DCC: variants seen among roughly 807,000 people sequenced by gnomAD.
The protein encoded by DCC is DCC netrin 1 receptor, also known as netrin receptor DCC.
Under a neutral mutation model 172.5 loss-of-function variants are expected in DCC, and 58 were observed. That is an observed-to-expected ratio of 0.34 (90% confidence interval 0.27 to 0.42). DCC has a LOEUF of 0.42. Among genes scored for constraint, DCC ranks in the 10% least tolerant of loss-of-function variants. The pLI is 1.00. For synonymous variants in DCC, 709 were observed against 644.5 expected, an observed-to-expected ratio of 1.10 and a Z score of -1.52; for missense variants, 1,740 against 1,791.0, an observed-to-expected ratio of 0.97 and a Z score of 0.51.
chr18:53,194,773 G>C (rs142489136), intron 9 of DCC, among the ~76,000 whole-genome samples: 28 of 152,200 alleles, frequency 1.8e-4, no homozygotes, highest in African/African-American at 6.5e-4. Context: ...CCCGGCCCAG[G>C]TTTGGTTTTT....
In DCC at chr18:53,351,413, ATATACACACTGTG is replaced by A. The variant is rs1193715652; in HGVS notation, c.2359+11511_2359+11523del. Among the ~76,000 whole-genome samples, 9 of 7,304 alleles carry A rather than the reference ATATACACACTGTG, an allele frequency of 1.2e-3. No homozygotes were observed. In the East Asian group the frequency reaches 0.05, roughly 41 times the overall value. The allele number at this position is 7,304 out of a possible 152,430, so 4.8% of individuals were successfully genotyped here. A position where few individuals can be genotyped will look rare whatever the true frequency, so the allele number is the denominator to read the frequency against. ...ATATATATACAGTGTATATATATAT[ATATACACACTGTG>A]TATATATATATACAGTGTATATATA... On this transcript the variant is annotated intron_variant, in intron 15 of 28. Coordinates refer to ENST00000442544, the MANE Select transcript of DCC (RefSeq NM_005215.4).
chr18:53,002,677 C>T (rs2041584397), intron 5 of DCC, among the ~76,000 whole-genome samples: 1 of 151,858 alleles, frequency 6.6e-6, no homozygotes, highest in Non-Finnish European at 1.5e-5. Flanking sequence ...TTTTATTATA[C>T]TTTAAGTTTT....
intron 1 of DCC, among the ~76,000 whole-genome samples, chr18:52,747,433 C>A (rs914724440): frequency 1.3e-5 from 2 of 152,332 alleles, no homozygotes; most frequent in South Asian, 4.1e-4. Flanking sequence ...CATTGTAATT[C>A]TAATATGAAA....
intron 1 of DCC, among the ~76,000 whole-genome samples, chr18:52,469,180 C>T (rs1169790275): frequency 1.3e-5 from 2 of 152,162 alleles, no homozygotes; most frequent in African/African-American, 4.8e-5. Context: ...GCCTCAGCCT[C>T]CTGAGTAGCT....
intron 1 of DCC, among the ~76,000 whole-genome samples, chr18:52,499,967 A>C (rs138282247): frequency 9.9e-5 from 15 of 152,252 alleles, no homozygotes; most frequent in African/African-American, 3.6e-4. Context: ...TATGCTTTGC[A>C]GGCCGTTGGC....
At chr18:52,535,840 G>T (rs1178373277) in intron 1 of DCC, among the ~76,000 whole-genome samples, 2 of 152,014 alleles carry the variant, frequency 1.3e-5, no homozygotes, top group Non-Finnish European at 2.9e-5. Flanking sequence ...TGCCCTTAAG[G>T]AACAAAATAT....
intron 5 of DCC, among the ~76,000 whole-genome samples, chr18:53,006,191 A>C (rs919205583): frequency 1.3e-5 from 2 of 152,224 alleles, no homozygotes; most frequent in Non-Finnish European, 2.9e-5. Context: ...GAAAATTCAA[A>C]CTGGCTTTAT....
chr18:53,220,629 A>G (rs2055917597), intron 12 of DCC, among the ~76,000 whole-genome samples: 2 of 152,216 alleles, frequency 1.3e-5, no homozygotes, highest in Admixed American at 1.3e-4. Context: ...TTATTAATGA[A>G]CAATTTAAAT....
intron 15 of DCC, among the ~76,000 whole-genome samples, chr18:53,347,023 G>T (rs2057733960): frequency 6.6e-6 from 1 of 152,108 alleles, no homozygotes; most frequent in Non-Finnish European, 1.5e-5. Context: ...GCTTTGCTCT[G>T]CTGTTAGTGT....
chr18:53,262,022 C>A (rs192856318), intron 12 of DCC, among the ~76,000 whole-genome samples: 1 of 152,272 alleles, frequency 6.6e-6, no homozygotes, highest in Non-Finnish European at 1.5e-5. Context: ...AAGAGGGGAA[C>A]AATTGAAGCA....
intron 22 of DCC, among the ~76,000 whole-genome samples, chr18:53,445,115 A>G (rs1047241293): frequency 6.6e-6 from 1 of 152,208 alleles, no homozygotes; most frequent in Non-Finnish European, 1.5e-5. Context: ...CATAACGCTG[A>G]TAAATATCTT....
chr18:52,941,506 A>G (rs1359348290), intron 5 of DCC, among the ~76,000 whole-genome samples: 5 of 150,874 alleles, frequency 3.3e-5, no homozygotes, highest in African/African-American at 1.2e-4. Flanking sequence ...GTGTGTGTAT[A>G]TATATATATA....
At chr18:52,342,394 C>G (rs912773338) in intron 1 of DCC, among the ~76,000 whole-genome samples, 1 of 150,536 alleles carries the variant, frequency 6.6e-6, no homozygotes, top group South Asian at 2.1e-4. Flanking sequence ...GGGCCGGTCC[C>G]CTCCTCCCCT....
intron 27 of DCC, among the ~76,000 whole-genome samples, chr18:53,505,024 C>A (rs1425700012): frequency 1.3e-5 from 2 of 152,074 alleles, no homozygotes; most frequent in African/African-American, 2.4e-5. Context: ...TTTTTCCCCC[C>A]CTAAAAGGGG....
At chr18:52,930,854 C>T (rs1422715778) in intron 5 of DCC, among the ~76,000 whole-genome samples, 1 of 152,046 alleles carries the variant, frequency 6.6e-6, no homozygotes, top group African/African-American at 2.4e-5. Flanking sequence ...TTCATGGTTG[C>T]TAGCATTGTC....
chr18:53,050,276 T>C (rs1270395076), intron 5 of DCC, among the ~76,000 whole-genome samples: 1 of 151,654 alleles, frequency 6.6e-6, no homozygotes, highest in East Asian at 1.9e-4. Flanking sequence ...TAATTTCTTC[T>C]GTTAACACCC....
chr18:53,512,915 A>C (rs1181776832), intron 27 of DCC, among the ~76,000 whole-genome samples: 5 of 152,332 alleles, frequency 3.3e-5, no homozygotes, highest in Middle Eastern at 3.4e-3. Flanking sequence ...GAACTTCCCC[A>C]ATCTATCAAG....
rs143349900 is a variant in DCC, at chr18:52,955,233, G to T, written c.985+29863G>T. 9.6e-3 allele frequency among the ~76,000 whole-genome samples: 1,458 copies of T among 152,118 alleles called. 29 individuals carry two copies. Among genetic ancestry groups the T allele is most frequent in the African/African-American group, 0.034 (1,407 of 41,522 alleles). ...CTATTCATCCCTTCCTGCATGCTGTGCCCTGGCAACCACTCATCTTTTTAC... is the reference window on the plus strand; with the variant it reads ...CTATTCATCCCTTCCTGCATGCTGTTCCCTGGCAACCACTCATCTTTTTAC... On this transcript the variant is annotated intron_variant, in intron 5 of 28. Transcript: ENST00000442544.
chr18:53,091,604 C>A (rs1054934908), intron 7 of DCC, among the ~76,000 whole-genome samples: 1 of 151,326 alleles, frequency 6.6e-6, no homozygotes, highest in African/African-American at 2.4e-5. Context: ...CTTCTTGTAT[C>A]CTCGTACGGT....
Sources: gnomAD v4.1 joint callset for allele counts (sites outside exome capture counted in the v4.1 genomes callset) on GRCh38, gnomAD v4.1.1 for gene constraint, MANE v1.5 for transcripts, NCBI Gene and HGNC (gene_info 2026-07-23, HGNC 2026-07-21) for gene names.